PTPRE: variants seen among roughly 807,000 people sequenced by gnomAD.
PTPRE encodes the protein receptor-type tyrosine-protein phosphatase epsilon.
A neutral mutation model predicts 102.0 loss-of-function variants in PTPRE; 51 were observed. The ratio of observed to expected loss-of-function variants is 0.50; its 90% CI spans 0.40 to 0.63. PTPRE has a LOEUF of 0.63. PTPRE is among the 30% of genes least tolerant of loss of function. The pLI is 0.00. For missense variants in PTPRE, 752 were observed against 915.1 expected (o/e 0.82, Z 2.30); for synonymous variants, 345 against 348.2 (o/e 0.99, Z 0.10).
chr10:128,035,912 G>T (rs1047242989), intron 2 of PTPRE, among the ~76,000 whole-genome samples: 3 of 152,158 alleles, frequency 2.0e-5, no homozygotes, highest in African/African-American at 7.2e-5. Flanking sequence ...CTACACTCTG[G>T]GGTCTCCTGG....
chr10:128,058,725 G>A (rs1304929259), intron 7 of PTPRE, among the ~76,000 whole-genome samples: 3 of 152,154 alleles, frequency 2.0e-5, no homozygotes, highest in Non-Finnish European at 4.4e-5. Flanking sequence ...TGGGGGAGAG[G>A]AGAGAAGGGG....
In PTPRE at chr10:127,962,533, G is replaced by C. The variant is rs367924875; in HGVS notation, c.-30-19741G>C. On this transcript the variant is annotated intron_variant, in intron 1 of 20. Transcript: ENST00000254667. The stretch of plus-strand genomic sequence containing the variant: ...CTGAACGGGGAGGGGTCGATGGAGT[G>C]TGCCCTGGTGACATGGGCTCTGCAG... Among the ~76,000 whole-genome samples the C allele has an allele frequency of 1.5e-4, 23 of 152,322 alleles. No individual in the cohort carries two copies. In the South Asian group the frequency reaches 4.8e-3, roughly 32 times the overall value.
At chr10:127,938,494 A>T (rs984147823) in intron 1 of PTPRE, among the ~76,000 whole-genome samples, 2 of 151,966 alleles carry the variant, frequency 1.3e-5, no homozygotes, top group African/African-American at 4.8e-5. Flanking sequence ...CCTGCTACTT[A>T]GGAGGCTGAG....
chr10:128,070,713 C>T lies in PTPRE; in HGVS notation c.1294-95C>T. On this transcript the variant is annotated intron_variant, in intron 14 of 20. Transcript: ENST00000254667. The surrounding 1 kb of genome is among the most constrained non-coding windows in gnomAD (Gnocchi z 4.8). ...GGGTTGGAGAGTGGTTTCCTTTGAG[C>T]AGGCGTCCTTGCCAGCAGCACTAGT... 1 of 1,362,810 alleles carries T rather than the reference C, an allele frequency of 7.3e-7. No homozygotes were observed. Among genetic ancestry groups the T allele is most frequent in the Non-Finnish European group, 1.0e-6 (1 of 981,666 alleles). The allele number at this position is 1,362,810 out of a possible 1,614,324, so 84.4% of individuals were successfully genotyped here.
chr10:128,052,357 G>A (rs1375722691), intron 6 of PTPRE, among the ~76,000 whole-genome samples: 1 of 152,204 alleles, frequency 6.6e-6, no homozygotes, highest in African/African-American at 2.4e-5. Flanking sequence ...CAAACTTGGT[G>A]GGGATGAAAA....
chr10:127,994,918 G>A (rs897933829), intron 2 of PTPRE, among the ~76,000 whole-genome samples: 7 of 152,140 alleles, frequency 4.6e-5, no homozygotes, highest in African/African-American at 1.7e-4. Flanking sequence ...AAGAGCTAAG[G>A]GATGTACCCA....
rs1017318702 is a variant in PTPRE at position 127,944,684 on chromosome 10, G to A, written c.-31+37375G>A. On this transcript the variant is annotated intron_variant, in intron 1 of 20. Coordinates refer to ENST00000254667, the MANE Select transcript of PTPRE (RefSeq NM_006504.6). This position sits in a 1 kb window ranked among gnomAD's most constrained non-coding sequence, Gnocchi z 4.2. The stretch of plus-strand genomic sequence containing the variant: ...ATTTGAGGAGATTGAGCAGGAGAGT[G>A]ACAAATGGAACTGTGTATTTGAAAG... Among the ~76,000 whole-genome samples the A allele has an allele frequency of 6.6e-6, 1 of 152,192 alleles. No homozygotes were observed. The highest frequency in any genetic ancestry group is 1.5e-5 in the Non-Finnish European group (1 of 68,028).
At chr10:127,928,612 A>T (rs1311331909) in intron 1 of PTPRE, among the ~76,000 whole-genome samples, 1 of 152,060 alleles carries the variant, frequency 6.6e-6, no homozygotes, top group Non-Finnish European at 1.5e-5. Flanking sequence ...GCTGGGTTAG[A>T]CTCATAGGCT....
At chr10:128,053,124 A>C (rs1848680483) in intron 6 of PTPRE, among the ~76,000 whole-genome samples, 3 of 152,046 alleles carry the variant, frequency 2.0e-5, no homozygotes, top group South Asian at 4.1e-4. Flanking sequence ...GGTGGTGTGC[A>C]CCTGTAATCC....
At chr10:127,937,371 A>C (rs891039092) in intron 1 of PTPRE, among the ~76,000 whole-genome samples, 16 of 152,210 alleles carry the variant, frequency 1.1e-4, no homozygotes, top group Non-Finnish European at 2.4e-4. Flanking sequence ...ACACTTGCCC[A>C]AATTAAACCA....
chr10:127,923,265 G>A (rs553718200), intron 1 of PTPRE, among the ~76,000 whole-genome samples: 1 of 152,352 alleles, frequency 6.6e-6, no homozygotes, highest in South Asian at 2.1e-4. Context: ...CTTCCCAGAA[G>A]CAGACAGAGT....
chr10:127,939,558 A>AG (rs957317774), intron 1 of PTPRE, among the ~76,000 whole-genome samples: 1 of 152,068 alleles, frequency 6.6e-6, no homozygotes, highest in Non-Finnish European at 1.5e-5. Context: ...GGATACATGG[A>AG]GAAAAAAAAA....
intron 3 of PTPRE, 33 bp downstream of exon 3, chr10:128,041,023 C>T: frequency 6.4e-7 from 1 of 1,567,858 alleles, no homozygotes. Context: ...GCCTCCCCTA[C>T]TACCTCCTCC....
intron 3 of PTPRE, among the ~76,000 whole-genome samples, chr10:128,044,212 C>T (rs1281320320): frequency 6.6e-6 from 1 of 152,190 alleles, no homozygotes; most frequent in Non-Finnish European, 1.5e-5. Flanking sequence ...TGAGTTGGGA[C>T]CTTAAACCAT....
intron 1 of PTPRE, among the ~76,000 whole-genome samples, chr10:127,956,961 T>C (rs1849448582): frequency 1.3e-5 from 2 of 152,194 alleles, no homozygotes; most frequent in South Asian, 4.1e-4. Flanking sequence ...TTTTGTACAT[T>C]ATTGATAAAA....
chr10:128,066,284 CT>C, intron 11 of PTPRE, 90 bp downstream of exon 11: 1 of 1,555,510 alleles, frequency 6.4e-7, no homozygotes, highest in Non-Finnish European at 8.7e-7. Context: ...TTATGAAGTG[CT>C]TTGCTCCCAG....
At chr10:127,948,156 G>A (rs1490446760) in intron 1 of PTPRE, among the ~76,000 whole-genome samples, 1 of 152,212 alleles carries the variant, frequency 6.6e-6, no homozygotes, top group Non-Finnish European at 1.5e-5. Context: ...GGGGAAGGGT[G>A]AGCCTAGGCT....
intron 1 of PTPRE, among the ~76,000 whole-genome samples, chr10:127,953,931 G>C (rs575618011): frequency 5.9e-5 from 9 of 152,234 alleles, no homozygotes; most frequent in Non-Finnish European, 1.3e-4. Flanking sequence ...GATTTGGCCA[G>C]AAGGTCAGGG....
chr10:127,936,744 T>C (rs1589775643), intron 1 of PTPRE, among the ~76,000 whole-genome samples: 1 of 152,192 alleles, frequency 6.6e-6, no homozygotes, highest in Non-Finnish European at 1.5e-5. Flanking sequence ...TGGTAGTAAC[T>C]CTATTGGAGA....
Sources: gnomAD v4.1 joint callset for allele counts (sites outside exome capture counted in the v4.1 genomes callset) on GRCh38, gnomAD v4.1.1 for gene constraint, Gnocchi (gnomAD v3.1) non-coding constraint, MANE v1.5 for transcripts, NCBI Gene and HGNC (gene_info 2026-07-23, HGNC 2026-07-21) for gene names.